The following RNF213 variants were observed in gnomAD, a reference collection of about 807,000 sequenced individuals.
The protein encoded by RNF213 is ring finger protein 213.
In RNF213, 341 loss-of-function variants were observed where a neutral mutation model predicts 514.4. The ratio of observed to expected loss-of-function variants is 0.66; its 90% confidence interval spans 0.61 to 0.73. The LOEUF (loss-of-function observed/expected upper bound fraction) is 0.73, where lower values mean the gene tolerates loss of function less well. Ranked by LOEUF, RNF213 falls within the 30% of genes least tolerant of loss-of-function variation. The pLI is 0.00. For missense variants in RNF213, 5,767 were observed against 6,615.6 expected (o/e 0.87, Z 4.45); for synonymous variants, 2,655 against 2,658.2 (o/e 1.00, Z 0.04).
chr17:80,348,361 A>T, intron 29 of RNF213, 75 bp downstream of exon 29: 1 of 1,587,470 alleles, frequency 6.3e-7, no homozygotes, highest in Non-Finnish European at 8.5e-7. Context: ...AGGATTCAAG[A>T]TTCTTCCCCA....
intron 36 of RNF213, among the ~76,000 whole-genome samples, chr17:80,357,461 AG>A (rs1391971744): frequency 6.6e-6 from 1 of 152,194 alleles, no homozygotes; most frequent in Admixed American, 6.5e-5. Context: ...AAACATCAAC[AG>A]GAACAAATAC....
At chr17:80,349,947 G>C (rs1237112881) in intron 30 of RNF213, 41 bp downstream of exon 30, 3 of 1,611,846 alleles carry the variant, frequency 1.9e-6, no homozygotes, top group Non-Finnish European at 2.5e-6. Context: ...TCCCTCCCCA[G>C]CCGCAGCCGT....
intron 8 of RNF213, among the ~76,000 whole-genome samples, chr17:80,293,440 T>C (rs1299362521): frequency 1.3e-5 from 2 of 152,176 alleles, no homozygotes; most frequent in African/African-American, 2.4e-5. Flanking sequence ...GGTAATTCCA[T>C]ATATAAATAC....
In RNF213 at chr17:80,337,512, G is replaced by A. The variant is rs1599051493; in HGVS notation, c.4528-74G>A. ...CTCTGCAGCGAGGCAGAGGCGGGAG[G>A]CCGACCACAGGAGGGAGAAGGGCAA... On this transcript the variant is annotated intron_variant, in intron 23 of 67. Coordinates refer to ENST00000582970, the MANE Select transcript of RNF213 (RefSeq NM_001256071.3). The A allele has an allele frequency of 2.0e-6, 3 of 1,507,362 alleles. No individual in the cohort carries two copies. The East Asian group carries it at 7.4e-5, about 37-fold the overall frequency. The allele number at this position is 1,507,362 out of a possible 1,614,324, so 93.4% of individuals were successfully genotyped here. A position where few individuals can be genotyped will look rare whatever the true frequency, so the allele number is the denominator to read the frequency against.
intron 3 of RNF213, chr17:80,278,866 G>A (rs2044160616): frequency 6.5e-7 from 1 of 1,537,226 alleles, no homozygotes; most frequent in Admixed American, 2.0e-5. Flanking sequence ...GCAGGATGCA[G>A]CCCCGCTTGA....
chr17:80,376,621 C>T, intron 52 of RNF213, 78 bp downstream of exon 52: 1 of 1,591,658 alleles, frequency 6.3e-7, no homozygotes, highest in South Asian at 1.1e-5. Context: ...CGAGCTGCAG[C>T]TGTGGGAACT....
chr17:80,359,878 C>G (rs973087793), intron 37 of RNF213, among the ~76,000 whole-genome samples, 183 bp from the exon 38 acceptor site: 1 of 152,226 alleles, frequency 6.6e-6, no homozygotes, highest in African/African-American at 2.4e-5. Flanking sequence ...TTGCATAAGA[C>G]AGTTCCCTAG....
chr17:80,353,548 A>C lies in RNF213; in HGVS notation c.10460A>C (p.Glu3487Ala). Residue 3487 changes from glutamate (E) to alanine (A), a missense_variant, in exon 34 of 68, where the codon GAG (glutamate) becomes GCG (alanine). Glu to Ala is a moderately radical substitution (Grantham distance 107). Coordinates refer to ENST00000582970, the MANE Select transcript of RNF213 (RefSeq NM_001256071.3). This position sits in a 1 kb window ranked among gnomAD's most constrained non-coding sequence, Gnocchi z 5.0. ...LEHRAEDGHE[E>A]AMETEASTSG... ...CACCGGGCGGAAGACGGCCATGAGGAGGCGATGGAGACGGAGGCCAGCACA... is the reference window on the plus strand; with the variant it reads ...CACCGGGCGGAAGACGGCCATGAGGCGGCGATGGAGACGGAGGCCAGCACA... The C allele has an allele frequency of 6.2e-7, 1 of 1,613,618 alleles. No individual in the cohort carries two copies. The highest frequency in any genetic ancestry group is 8.5e-7 in the Non-Finnish European group (1 of 1,179,802).
chr17:80,281,213 C>T (rs1205908999), intron 3 of RNF213, among the ~76,000 whole-genome samples: 2 of 112,526 alleles, frequency 1.8e-5, no homozygotes, highest in Middle Eastern at 4.9e-3. Context: ...CACTCACACA[C>T]ACCCCCACAC....
intron 10 of RNF213, among the ~76,000 whole-genome samples, chr17:80,296,878 C>T (rs934604338): frequency 4.0e-5 from 6 of 151,872 alleles, no homozygotes; most frequent in African/African-American, 1.2e-4. Flanking sequence ...GACGGGGTTT[C>T]ACCATGTTGC....
chr17:80,342,488 A>G (rs913038173), intron 26 of RNF213, among the ~76,000 whole-genome samples: 3 of 151,440 alleles, frequency 2.0e-5, no homozygotes, highest in Non-Finnish European at 4.4e-5. Flanking sequence ...CTTCTAGTGG[A>G]TCTTTATAGA....
At chr17:80,374,725 C>CACCACA (rs1568154071) in intron 50 of RNF213, 136 bp downstream of exon 50, 8 of 1,078,204 alleles carry the variant, frequency 7.4e-6, no homozygotes, top group Non-Finnish European at 1.1e-5. Flanking sequence ...TTGGAAGTCA[C>CACCACA]GTGCCCACAG....
intron 16 of RNF213, among the ~76,000 whole-genome samples, chr17:80,318,729 G>A (rs765987066): frequency 2.4e-4 from 37 of 152,140 alleles, no homozygotes; most frequent in African/African-American, 2.2e-4. Context: ...GCCCGCCACC[G>A]CGCCCAGCTA....
intron 2 of RNF213, among the ~76,000 whole-genome samples, chr17:80,271,834 G>T (rs560196288): frequency 1.2e-4 from 19 of 152,126 alleles, no homozygotes; most frequent in Admixed American, 3.9e-4. Flanking sequence ...AAAAAAATTA[G>T]CTGGGTGTGG....
Position 80,363,600 on chromosome 17 carries a change from T to C in RNF213, c.11569-9T>C. ...CCGCTCAGCCACGCCCTGCTGTCCG[T>C]CTCCCCAGACCCTGGACGCATTTGC... On this transcript the variant is annotated splice_polypyrimidine_tract_variant and intron_variant, in intron 40 of 67. Transcript: ENST00000582970. 1 of 1,613,088 alleles carries C rather than the reference T, an allele frequency of 6.2e-7. No homozygotes were observed. The highest frequency in any genetic ancestry group is 8.5e-7 in the Non-Finnish European group (1 of 1,180,000).
intron 11 of RNF213, among the ~76,000 whole-genome samples, chr17:80,301,836 CTA>C (rs1354770980): frequency 1.3e-5 from 2 of 152,158 alleles, no homozygotes; most frequent in Non-Finnish European, 2.9e-5. Context: ...AGCTGCACTC[CTA>C]TATTTATCGT....
Position 80,354,024 on chromosome 17 carries a change from G to T in RNF213, c.10584G>T (p.Ser3528=), listed in dbSNP as rs764586150. ...ETSELGGSDV[S]ILDTTRLLRS... is the part of the protein sequence containing the mutation. ...CCAACCGTCTCCACCAACAGGTGTCGATCCTGGACACCACCAGGCTGCTGA... is the reference window on the plus strand; with the variant it reads ...CCAACCGTCTCCACCAACAGGTGTCTATCCTGGACACCACCAGGCTGCTGA... The change falls in exon 35 of 68, where the codon TCG becomes TCT. Residue 3528 remains serine (S), a synonymous_variant. Transcript: ENST00000582970. The T allele has an allele frequency of 1.9e-6, 3 of 1,613,686 alleles. No individual in the cohort carries two copies. The highest frequency in any genetic ancestry group is 2.7e-5 in the African/African-American group (2 of 74,936).
rs1218983083 is a variant in RNF213, at chr17:80,396,760, T to C, written c.*3262T>C. 9.5e-6 allele frequency: 1 copy of C among 105,680 alleles called. No homozygotes were observed. Among genetic ancestry groups the C allele is most frequent in the Non-Finnish European group, 1.7e-5 (1 of 57,680 alleles). 6.5% of individuals were successfully genotyped at this position (105,680 alleles called of 1,614,324 possible). On this transcript the variant is annotated 3_prime_UTR_variant, in exon 68 of 68. Transcript: ENST00000582970. ...CCCCCCCCCCCCAACCAGAGCAACT[T>C]TGGTCAGAAGTCACACCTAATCACC... is the stretch of plus-strand genomic sequence containing the variant.
In RNF213 at chr17:80,353,429, C is replaced by A. The variant is rs11655038; in HGVS notation, c.10424-83C>A. On this transcript the variant is annotated intron_variant, in intron 33 of 67. Coordinates refer to ENST00000582970, the MANE Select transcript of RNF213 (RefSeq NM_001256071.3). The surrounding 1 kb of genome is among the most constrained non-coding windows in gnomAD (Gnocchi z 5.0). The stretch of plus-strand genomic sequence containing the variant: ...GGGAAGCCTGCACTCGGAGGCTGAG[C>A]ACACAGACTCCCAGATGGCACCGCT... The A allele has an allele frequency of 0.088, 128,919 of 1,461,944 alleles. 6,339 individuals carry two copies. The highest frequency in any genetic ancestry group is 0.1 in the Non-Finnish European group (110,620 of 1,065,864). The allele number at this position is 1,461,944 out of a possible 1,614,324, so 90.6% of individuals were successfully genotyped here. A position where few individuals can be genotyped will look rare whatever the true frequency, so the allele number is the denominator to read the frequency against.
Sources: gnomAD v4.1 joint callset for allele counts (sites outside exome capture counted in the v4.1 genomes callset) on GRCh38, gnomAD v4.1.1 for gene constraint, Gnocchi (gnomAD v3.1) non-coding constraint, MANE v1.5 for transcripts, NCBI Gene and HGNC (gene_info 2026-07-23, HGNC 2026-07-21) for gene names.